MTMR10: variants seen among roughly 807,000 people sequenced by gnomAD.
MTMR10 encodes myotubularin-related protein 10.
MTMR10 carries 56 observed loss-of-function variants against 88.1 expected under a neutral mutation model. The observed-to-expected ratio is 0.64, with a 90% CI of 0.51 to 0.79. The LOEUF is 0.79. MTMR10 is among the 30% of genes least tolerant of loss of function. MTMR10 has a pLI of 0.00. For synonymous variants in MTMR10, 380 were observed against 340.9 expected, an observed-to-expected ratio of 1.11 and a Z score of -1.26; for missense variants, 883 against 924.7, an observed-to-expected ratio of 0.95 and a Z score of 0.58.
chr15:30,940,825 T>G lies in MTMR10; in HGVS notation c.*645A>C, dbSNP rs1453460009. On this transcript the variant is annotated 3_prime_UTR_variant, in exon 16 of 16. Coordinates refer to ENST00000435680, the MANE Select transcript of MTMR10 (RefSeq NM_017762.3). ...ATTTGTATCCTAAAGTCAAAGGCAC[T>G]TCTAAGTTTAATTATCTGCAGCAAA... 1.5e-5 allele frequency: 15 copies of G among 988,706 alleles called. No individual in the cohort carries two copies. The highest frequency in any genetic ancestry group is 1.7e-5 in the Non-Finnish European group (14 of 831,862). 61.2% of individuals were successfully genotyped at this position (988,706 alleles called of 1,614,324 possible). A position where few individuals can be genotyped will look rare whatever the true frequency, so the allele number is the denominator to read the frequency against.
chr15:30,948,631 A>T, intron 12 of MTMR10, 160 bp from the exon 13 acceptor site: 1 of 666,840 alleles, frequency 1.5e-6, no homozygotes, highest in Non-Finnish European at 2.5e-6. Flanking sequence ...CTAAAATATT[A>T]CAGACTTGTA....
At chr15:30,920,750 T>TAA in the MTMR10 span, 1 of 711,646 alleles carries the variant, frequency 1.4e-6, no homozygotes, top group Admixed American at 2.6e-5. Flanking sequence ...CCTGCTTATT[T>TAA]GGTTAGCACA....
chr15:30,948,652 A>C, intron 12 of MTMR10, 181 bp from the exon 13 acceptor site: 1 of 615,092 alleles, frequency 1.6e-6, no homozygotes, highest in Middle Eastern at 4.3e-4. Flanking sequence ...GATAAACTAA[A>C]TTAGCATTTA....
At chr15:30,982,181 A>G (rs117828010) in intron 2 of MTMR10, among the ~76,000 whole-genome samples, 1 of 152,206 alleles carries the variant, frequency 6.6e-6, no homozygotes, top group African/African-American at 2.4e-5. Flanking sequence ...TGAGACATTG[A>G]GAATAAGGAG....
At chr15:30,955,242 C>CG (rs1175838709) in intron 9 of MTMR10, among the ~76,000 whole-genome samples, 1 of 152,180 alleles carries the variant, frequency 6.6e-6, no homozygotes, top group African/African-American at 2.4e-5. Context: ...GCCACCCCCA[C>CG]GTGCAGTGCA....
chr15:30,949,567 AATTAT>A (rs1409152449), intron 12 of MTMR10: 1 of 152,240 alleles, frequency 6.6e-6, no homozygotes, highest in Non-Finnish European at 1.5e-5. Context: ...TGAAATTAAC[AATTAT>A]ATTCACAGTG....
At chr15:30,956,419 G>A (rs1362264017) in intron 9 of MTMR10, 1 of 152,210 alleles carries the variant, frequency 6.6e-6, no homozygotes, top group Non-Finnish European at 1.5e-5. Flanking sequence ...GAATGCCATG[G>A]ATGATGTAAT....
downstream of MTMR10, among the ~76,000 whole-genome samples, chr15:30,935,317 GA>G (rs1031375626): frequency 6.6e-6 from 1 of 150,976 alleles, no homozygotes; most frequent in Non-Finnish European, 1.5e-5. Context: ...CAAAAAAAAA[GA>G]AAAAAAGAAA....
intron 9 of MTMR10, among the ~76,000 whole-genome samples, chr15:30,955,485 T>C (rs866985792): frequency 6.6e-6 from 1 of 152,190 alleles, no homozygotes; most frequent in South Asian, 2.1e-4. Flanking sequence ...TTGGCCAGGC[T>C]GGTCTCAAAC....
rs2062984069 is a variant in MTMR10 at position 30,939,990 on chromosome 15, G to A, written c.*1480C>T. On this transcript the variant is annotated 3_prime_UTR_variant, in exon 16 of 16. Coordinates refer to ENST00000435680, the MANE Select transcript of MTMR10 (RefSeq NM_017762.3). ...CAGAGACATTATCAAATTTTAAAAG[G>A]CAAATAATTCAAAAAGAAACAGCTA... 5.1e-6 allele frequency: 5 copies of A among 978,214 alleles called. No individual in the cohort carries two copies. The highest frequency in any genetic ancestry group is 6.1e-6 in the Non-Finnish European group (5 of 823,432). 60.6% of individuals were successfully genotyped at this position (978,214 alleles called of 1,614,324 possible).
rs2063006904 is a variant in MTMR10 at position 30,940,493 on chromosome 15, T to C, written c.*977A>G. ...GGTGCCCAACTCGTAACCTCATTAGTTATTTCCAGGGGGAAGTGCCAGCAA... is the reference window on the plus strand; with the variant it reads ...GGTGCCCAACTCGTAACCTCATTAGCTATTTCCAGGGGGAAGTGCCAGCAA... On this transcript the variant is annotated 3_prime_UTR_variant, in exon 16 of 16. Coordinates refer to ENST00000435680, the MANE Select transcript of MTMR10 (RefSeq NM_017762.3). 1 of 985,374 alleles carries C rather than the reference T, an allele frequency of 1.0e-6. No individual in the cohort carries two copies. Among genetic ancestry groups the C allele is most frequent in the East Asian group, 1.1e-4 (1 of 8,830 alleles). The allele number at this position is 985,374 out of a possible 1,614,324, so 61.0% of individuals were successfully genotyped here.
chr15:30,936,479 C>T (rs2062855598), downstream of MTMR10, among the ~76,000 whole-genome samples: 1 of 152,190 alleles, frequency 6.6e-6, no homozygotes, highest in Admixed American at 6.5e-5. Flanking sequence ...CCAGTGCATG[C>T]TTTAAAACAA....
chr15:30,928,349 T>C, the MTMR10 span: 1 of 1,318,830 alleles, frequency 7.6e-7, no homozygotes, highest in Non-Finnish European at 9.6e-7. Context: ...TTTTTGCCCT[T>C]AAGGCTCTGT....
At chr15:30,954,741 T>C (rs1348040679) in intron 10 of MTMR10, 22 bp downstream of exon 10, 1 of 1,577,546 alleles carries the variant, frequency 6.3e-7, no homozygotes, top group Non-Finnish European at 8.6e-7. Flanking sequence ...TCATTATATA[T>C]ATGAAATAAG....
rs1285765858 is a variant in MTMR10, at chr15:30,942,870, T to TTTTG, written c.1731+16_1731+19dup. Reference sequence around the variant, plus strand: ...TGGTTACGTGTGAGCCAACATCACGTTTTGTTAGCTGTGATTTACCTTTGT... The same window carrying TTTTG: ...TGGTTACGTGTGAGCCAACATCACGTTTTGTTTGTTAGCTGTGATTTACCTTTGT... On this transcript the variant is annotated intron_variant, in intron 15 of 15. Coordinates refer to ENST00000435680, the MANE Select transcript of MTMR10 (RefSeq NM_017762.3). 1.9e-6 allele frequency: 3 copies of TTTTG among 1,547,298 alleles called. No homozygotes were observed. The highest frequency in any genetic ancestry group is 2.4e-5 in the East Asian group (1 of 41,958).
intron 2 of MTMR10, among the ~76,000 whole-genome samples, chr15:30,985,420 A>G (rs920883002): frequency 8.5e-5 from 13 of 152,282 alleles, no homozygotes; most frequent in African/African-American, 2.9e-4. Context: ...CCAAAGCATA[A>G]ATCTGTACCC....
intron 7 of MTMR10, among the ~76,000 whole-genome samples, chr15:30,960,140 T>C (rs2063381741): frequency 6.6e-6 from 1 of 152,162 alleles, no homozygotes; most frequent in Admixed American, 6.5e-5. Flanking sequence ...GAAATAACGA[T>C]CTGAGCAATG....
intron 3 of MTMR10, among the ~76,000 whole-genome samples, chr15:30,975,856 A>T (rs968596786): frequency 2.0e-5 from 3 of 152,202 alleles, no homozygotes; most frequent in Non-Finnish European, 4.4e-5. Flanking sequence ...ACTATAAAGA[A>T]AGATCTAGGG....
At chr15:30,922,017 A>C in the MTMR10 span, among the ~76,000 whole-genome samples, 1 of 152,230 alleles carries the variant, frequency 6.6e-6, no homozygotes, top group Non-Finnish European at 1.5e-5. Context: ...GCCAGCTGGC[A>C]GGGACCGGGT....
Sources: allele counts gnomAD v4.1 joint callset (sites outside exome capture counted in the v4.1 genomes callset), GRCh38; gene constraint gnomAD v4.1.1; transcripts MANE v1.5; gene names NCBI Gene and HGNC (gene_info 2026-07-23, HGNC 2026-07-21).